The following FANCD2 variants were observed in gnomAD, a reference collection of about 807,000 sequenced individuals.
FANCD2 encodes Fanconi anemia group D2 protein.
In FANCD2, 131 loss-of-function variants were observed where a neutral mutation model predicts 192.3. The observed-to-expected ratio is 0.68, with a 90% CI of 0.59 to 0.79. FANCD2 has a LOEUF of 0.79. FANCD2 is among the 30% of genes least tolerant of loss of function. FANCD2 has a pLI of 0.00. For synonymous variants in FANCD2, 524 were observed against 612.5 expected (o/e 0.86, Z 2.13); for missense variants, 1,508 against 1,701.6 (o/e 0.89, Z 2.00).
rs2086682366 is a variant in FANCD2 at position 10,034,502 on chromosome 3, T to C, written c.239T>C (p.Phe80Ser). The change falls in exon 4 of 44, where the codon TTT becomes TCT. Residue 80 changes from phenylalanine (F) to serine (S), a missense_variant. Phe to Ser is a radical substitution (Grantham distance 155, BLOSUM62 -2). Around this residue, in one of 5 missense-constraint regions of FANCD2, gnomAD observed 435 missense variants for 421.9 expected, o/e 1.03. Transcript: ENST00000675286. ...CAAATAGCTTTCCAAAAGAAGCTCT[T>C]TCAGACCCTGAGGAGACACCCTTCC... is the stretch of plus-strand genomic sequence containing the variant. Reference protein sequence around the residue: ...VDQIAFQKKLFQTLRRHPSYP... With the variant: ...VDQIAFQKKLSQTLRRHPSYP... 2 of 1,613,326 alleles carry C rather than the reference T, an allele frequency of 1.2e-6. No individual in the cohort carries two copies. Among genetic ancestry groups the C allele is most frequent in the Non-Finnish European group, 1.7e-6 (2 of 1,179,412 alleles).
Position 10,088,478 on chromosome 3 carries a change from G to GACA in FANCD2, c.3496_3497insACA (p.Val1166delinsAspMet). On this transcript the variant is annotated protein_altering_variant, in exon 35 of 44. Coordinates refer to ENST00000675286, the MANE Select transcript of FANCD2 (RefSeq NM_001018115.3). The stretch of plus-strand genomic sequence containing the variant: ...CCTTGCCAGACAATTCCTCTGTCGG[G>GACA]TGTGGCCAAGTGGGGATAAAGAGAA... 1 of 1,611,850 alleles carries GACA rather than the reference G, an allele frequency of 6.2e-7. No individual in the cohort carries two copies. Among genetic ancestry groups the GACA allele is most frequent in the Non-Finnish European group, 8.5e-7 (1 of 1,177,954 alleles).
intron 26 of FANCD2, among the ~76,000 whole-genome samples, chr3:10,070,607 C>T (rs1037666372): frequency 6.9e-6 from 1 of 145,652 alleles, no homozygotes; most frequent in African/African-American, 2.5e-5. Context: ...TCTGCCCGGC[C>T]ACCACCCCGT....
intron 18 of FANCD2, chr3:10,057,972 A>G: frequency 2.6e-6 from 1 of 385,050 alleles, no homozygotes; most frequent in Non-Finnish European, 5.1e-6. Flanking sequence ...GTGACCAATT[A>G]TTACTCATTA....
chr3:10,041,213 AC>A, intron 9 of FANCD2: 7 of 228,440 alleles, frequency 3.1e-5, no homozygotes, highest in Middle Eastern at 1.9e-3. Flanking sequence ...AAACAAACAA[AC>A]AAAAAAAAAA....
At chr3:10,076,855 G>A (rs1049626603) in intron 29 of FANCD2, among the ~76,000 whole-genome samples, 1 of 152,092 alleles carries the variant, frequency 6.6e-6, no homozygotes, top group Admixed American at 6.6e-5. Context: ...GAGCTCAAGC[G>A]ATTCTTCTGC....
chr3:10,085,689 C>T (rs1694151411), intron 32 of FANCD2, 123 bp from the exon 33 acceptor site: 6 of 761,000 alleles, frequency 7.9e-6, no homozygotes, highest in Non-Finnish European at 1.4e-5. Flanking sequence ...CACGCCCGAC[C>T]TCTCAATTCT....
intron 17 of FANCD2, among the ~76,000 whole-genome samples, chr3:10,050,644 G>T (rs764910988): frequency 9.8e-5 from 14 of 142,888 alleles, no homozygotes; most frequent in Admixed American, 9.1e-4. Flanking sequence ...AAAAAAAAAA[G>T]GCTTAGAAGA....
In FANCD2 at chr3:10,043,161, CATCCTCACACAGG is replaced by C. The variant is rs758972512; in HGVS notation, c.989+14_989+26del. 3.1e-6 allele frequency: 5 copies of C among 1,606,290 alleles called. No individual in the cohort carries two copies. The highest frequency in any genetic ancestry group is 4.3e-6 in the Non-Finnish European group (5 of 1,172,954). ...TAAAGGACGAGCAAGGTAAAGAGCTCATCCTCACACAGGATGTCACAATTTTCTGACATCCCAC... is the reference window on the plus strand; with the variant it reads ...TAAAGGACGAGCAAGGTAAAGAGCTCATGTCACAATTTTCTGACATCCCAC... On this transcript the variant is annotated intron_variant, in intron 12 of 43. Coordinates refer to ENST00000675286, the MANE Select transcript of FANCD2 (RefSeq NM_001018115.3).
rs547268740 is a variant in FANCD2 at position 10,046,147 on chromosome 3, G to A, written c.1135-433G>A. On this transcript the variant is annotated intron_variant, in intron 14 of 43. Transcript: ENST00000675286. ...CGGCTCACTGTAAGCTCTGCCTCCC[G>A]GGTTCACGCCATTCTCCTGCCTCAG... Among the ~76,000 whole-genome samples the A allele has an allele frequency of 1.8e-3, 263 of 149,688 alleles. 1 individual carries two copies. Among genetic ancestry groups the A allele is most frequent in the African/African-American group, 5.3e-3 (214 of 40,016 alleles).
At chr3:10,039,393 G>A in intron 8 of FANCD2, 36 bp downstream of exon 8, 2 of 1,511,260 alleles carry the variant, frequency 1.3e-6, no homozygotes, top group Admixed American at 1.7e-5. Context: ...AATTTAAAGA[G>A]TATGTTTCTC....
At chr3:10,056,584 T>G (rs1039041837) in intron 18 of FANCD2, among the ~76,000 whole-genome samples, 1 of 152,180 alleles carries the variant, frequency 6.6e-6, no homozygotes, top group African/African-American at 2.4e-5. Flanking sequence ...CAAGCTGCAG[T>G]GCAGTGGCGT....
At chr3:10,078,292 G>A in intron 30 of FANCD2, 95 bp downstream of exon 30, 2 of 826,774 alleles carry the variant, frequency 2.4e-6, no homozygotes, top group Admixed American at 1.7e-5. Context: ...TTGGCATTGT[G>A]TTTGGGTCAC....
intron 16 of FANCD2, among the ~76,000 whole-genome samples, chr3:10,048,925 T>C (rs2087114118): frequency 6.6e-6 from 1 of 152,270 alleles, no homozygotes; most frequent in Non-Finnish European, 1.5e-5. Context: ...CTTAATGTCT[T>C]AGAGACACTG....
Position 10,047,971 on chromosome 3 carries a change from T to C in FANCD2, c.1333T>C (p.Ser445Pro). Reference protein sequence around the residue: ...ILSLAQSLLHSLDQSIISFGS... With the variant: ...ILSLAQSLLHPLDQSIISFGS... ...GTCGCTGGCTCAGAGTTTGCTTCAC[T>C]CTCTAGACCAGAGTATAATTTCATT... Residue 445 changes from serine (S) to proline (P), a missense_variant, in exon 16 of 44, where the codon TCT becomes CCT. Ser to Pro is a moderately conservative substitution (Grantham distance 74). This residue lies in a region of FANCD2 where 108 missense variants were observed against 174.1 expected (regional missense o/e 0.62). Coordinates refer to ENST00000675286, the MANE Select transcript of FANCD2 (RefSeq NM_001018115.3). The C allele has an allele frequency of 6.2e-7, 1 of 1,613,958 alleles. No homozygotes were observed. The highest frequency in any genetic ancestry group is 8.5e-7 in the Non-Finnish European group (1 of 1,180,050).
At position 10,046,588 on chromosome 3, in the gene FANCD2, C is replaced by T. The variant is rs376349741; in HGVS notation, c.1143C>T (p.Asp381=). 1.5e-4 allele frequency: 246 copies of T among 1,614,154 alleles called. No homozygotes were observed. Among genetic ancestry groups the T allele is most frequent in the Middle Eastern group, 1.2e-3 (7 of 6,062 alleles). The change falls in exon 15 of 44, where the codon GAC becomes GAT. Residue 381 remains aspartate, a synonymous_variant. Coordinates refer to ENST00000675286, the MANE Select transcript of FANCD2 (RefSeq NM_001018115.3). ...ATATTTATTGACAATAGGTGTTTGACCTGGTGATGCTTTTCATCATCTATA... is the reference window on the plus strand; with the variant it reads ...ATATTTATTGACAATAGGTGTTTGATCTGGTGATGCTTTTCATCATCTATA... ...TASVSEHKVF[D]LVMLFIIYST... is the part of the protein sequence containing the mutation.
rs1017531596 is a variant in FANCD2, at chr3:10,089,036, A to G, written c.3683+86A>G. 111 of 1,465,276 alleles carry G rather than the reference A, an allele frequency of 7.6e-5. No homozygotes were observed. In the Admixed American group the frequency reaches 8.9e-4, roughly 12 times the overall value. 90.8% of individuals were successfully genotyped at this position (1,465,276 alleles called of 1,614,324 possible). A position where few individuals can be genotyped will look rare whatever the true frequency, so the allele number is the denominator to read the frequency against. On this transcript the variant is annotated intron_variant, in intron 36 of 43. Transcript: ENST00000675286. ...GGTGGCACACACCTGTAATCCCAGC[A>G]CTTTGGGAGGCTGAGGCAGGAGGAT...
intron 26 of FANCD2, among the ~76,000 whole-genome samples, chr3:10,072,547 T>C (rs558207173): frequency 6.6e-6 from 1 of 152,332 alleles, no homozygotes; most frequent in South Asian, 2.1e-4. Context: ...CCAAAGTGCT[T>C]GGGGTTACAG....
chr3:10,083,866 C>A (rs57788422), intron 32 of FANCD2: 29,269 of 124,560 alleles, frequency 0.23, 4,189 homozygotes, highest in African/African-American at 0.43. Context: ...CCAGCCTGGG[C>A]GACAGAGCAA....
chr3:10,068,962 C>T (rs983856326), intron 26 of FANCD2, among the ~76,000 whole-genome samples: 22 of 152,042 alleles, frequency 1.4e-4, no homozygotes, highest in African/African-American at 5.3e-4. Flanking sequence ...GAAACTAGAC[C>T]CCTATCTCTT....
Sources: allele counts gnomAD v4.1 joint callset (sites outside exome capture counted in the v4.1 genomes callset), GRCh38; gene constraint gnomAD v4.1.1; regional missense constraint gnomAD v4.1.1; transcripts MANE v1.5; gene names NCBI Gene and HGNC (gene_info 2026-07-23, HGNC 2026-07-21).